Variants in TOR1A observed in about 807,000 individuals in gnomAD.
The protein encoded by TOR1A is torsin family 1 member A.
A neutral mutation model predicts 31.4 loss-of-function variants in TOR1A; 18 were observed. The observed-to-expected ratio is 0.57, with a 90% CI of 0.40 to 0.85. The LOEUF is 0.85. Ranked by LOEUF, TOR1A falls within the 40% of genes least tolerant of loss-of-function variation. The probability of loss-of-function intolerance (pLI) is 0.00; values close to 1 mark genes in which losing one functional copy is unlikely to be tolerated. For synonymous variants in TOR1A, 168 were observed against 165.9 expected, an observed-to-expected ratio of 1.01 and a Z score of -0.10; for missense variants, 375 against 416.4, an observed-to-expected ratio of 0.90 and a Z score of 0.87.
chr9:129,818,365 A>G, intron 4 of TOR1A, 155 bp downstream of exon 4: 1 of 1,165,712 alleles, frequency 8.6e-7, no homozygotes, highest in South Asian at 1.2e-5. Context: ...GGAGTTCATC[A>G]GCAAAGATTC....
Position 129,822,820 on chromosome 9 carries a change from G to T in TOR1A, c.205C>A (p.Leu69Ile). The T allele has an allele frequency of 1.2e-6, 2 of 1,614,176 alleles. No homozygotes were observed. The highest frequency in any genetic ancestry group is 1.7e-6 in the Non-Finnish European group (2 of 1,180,026). ...TTCTTTGCAAGATGCTGTCCAAAGA[G>T]GTTGTCGTCCAGATCCTTCTGCAGT... ...EALQKDLDDN[L>I]FGQHLAKKII... The change falls in exon 2 of 5, where the codon CTC becomes ATC. Residue 69 changes from leucine to isoleucine, a missense_variant. Transcript: ENST00000351698.
intron 1 of TOR1A, chr9:129,823,357 A>C: frequency 3.5e-6 from 1 of 284,540 alleles, no homozygotes; most frequent in Non-Finnish European, 6.9e-6. Context: ...GTCTGTGGTC[A>C]TGGCCGAGGA....
intron 1 of TOR1A, chr9:129,823,167 C>G (rs1437352361): frequency 6.9e-6 from 3 of 433,516 alleles, no homozygotes; most frequent in East Asian, 5.0e-5. Flanking sequence ...GGAAAGGAAA[C>G]AGTTTGGTCC....
At chr9:129,815,037 G>A (rs1216555939) in intron 4 of TOR1A, among the ~76,000 whole-genome samples, 1 of 152,174 alleles carries the variant, frequency 6.6e-6, no homozygotes, top group East Asian at 1.9e-4. Flanking sequence ...TGGGCTCCTG[G>A]AACTCCTGAC....
intron 2 of TOR1A, among the ~76,000 whole-genome samples, chr9:129,820,401 C>T (rs751332283): frequency 1.3e-5 from 2 of 152,046 alleles, no homozygotes; most frequent in South Asian, 2.1e-4. Flanking sequence ...ATTACAGGCG[C>T]GAGCCACCAC....
At chr9:129,822,453 G>T in intron 2 of TOR1A, 128 bp downstream of exon 2, 1 of 1,287,524 alleles carries the variant, frequency 7.8e-7, no homozygotes, top group Non-Finnish European at 1.1e-6. Context: ...CCTTTCCAAG[G>T]GGAACTGAGA....
chr9:129,814,512 T>C (rs2030985760), intron 4 of TOR1A, among the ~76,000 whole-genome samples: 1 of 151,250 alleles, frequency 6.6e-6, no homozygotes, highest in Non-Finnish European at 1.5e-5. Context: ...ATCCCACACA[T>C]ACCTACTGGG....
rs2030934705 is a variant in TOR1A at position 129,813,131 on chromosome 9, C to T, written c.*841G>A. On this transcript the variant is annotated 3_prime_UTR_variant, in exon 5 of 5. Coordinates refer to ENST00000351698, the MANE Select transcript of TOR1A (RefSeq NM_000113.3). The stretch of plus-strand genomic sequence containing the variant: ...AAAATTCACATAATTTAGAATCCAG[C>T]AGAGAGCACGTGTGGGCTATTTGGA... 1 of 148,856 alleles carries T rather than the reference C, an allele frequency of 6.7e-6. No homozygotes were observed. The allele number at this position is 148,856 out of a possible 1,614,324, so 9.2% of individuals were successfully genotyped here. A position where few individuals can be genotyped will look rare whatever the true frequency, so the allele number is the denominator to read the frequency against.
intron 2 of TOR1A, among the ~76,000 whole-genome samples, chr9:129,819,730 C>T (rs1048478086): frequency 6.6e-6 from 1 of 150,904 alleles, no homozygotes; most frequent in African/African-American, 2.4e-5. Flanking sequence ...TGCACTCCAG[C>T]GTGGCGACAG....
chr9:129,822,004 G>C (rs569046558), intron 2 of TOR1A: 1 of 181,222 alleles, frequency 5.5e-6, no homozygotes, highest in Non-Finnish European at 1.2e-5. Context: ...GGTGGCTCAC[G>C]CCTGTAATCC....
At chr9:129,814,752 C>T (rs563486777) in intron 4 of TOR1A, among the ~76,000 whole-genome samples, 7 of 151,698 alleles carry the variant, frequency 4.6e-5, no homozygotes, top group South Asian at 2.1e-4. Context: ...CCACAGAAAG[C>T]GGGAAGCAAG....
chr9:129,824,000 GCCAGTC>G lies in TOR1A; in HGVS notation c.80_85del (p.Gly27_Leu28del). On this transcript the variant is annotated inframe_deletion, in exon 1 of 5. Transcript: ENST00000351698. ...GTAGCCGGTGAGGACGCCGGCCAGG[GCCAGTC>G]CCAGGCTGATGGGCTCCACCGCCTG... is the stretch of plus-strand genomic sequence containing the variant. The G allele has an allele frequency of 6.2e-7, 1 of 1,610,970 alleles. No individual in the cohort carries two copies.
At chr9:129,815,814 C>A (rs1256580942) in intron 4 of TOR1A, among the ~76,000 whole-genome samples, 1 of 152,196 alleles carries the variant, frequency 6.6e-6, no homozygotes, top group Non-Finnish European at 1.5e-5. Flanking sequence ...ATTCTTCTCT[C>A]ATTCCCATAT....
intron 1 of TOR1A, among the ~76,000 whole-genome samples, chr9:129,823,119 A>G (rs1166118486): frequency 3.9e-5 from 6 of 152,076 alleles, no homozygotes. Flanking sequence ...TTGCACCCCT[A>G]ACCCCTGTGC....
chr9:129,813,037 A>G lies in TOR1A; in HGVS notation c.*935T>C, dbSNP rs1303322057. On this transcript the variant is annotated 3_prime_UTR_variant, in exon 5 of 5. Transcript: ENST00000351698. ...TCCTCAGAAGGGGCAGCTAAGCTTTATAGGAGGTTTCGGGGATTCTGATTG... is the reference window on the plus strand; with the variant it reads ...TCCTCAGAAGGGGCAGCTAAGCTTTGTAGGAGGTTTCGGGGATTCTGATTG... 2.6e-5 allele frequency: 4 copies of G among 152,222 alleles called. No individual in the cohort carries two copies. The highest frequency in any genetic ancestry group is 5.9e-5 in the Non-Finnish European group (4 of 68,046). The allele number at this position is 152,222 out of a possible 1,614,324, so 9.4% of individuals were successfully genotyped here.
Position 129,818,744 on chromosome 9 carries a change from C to T in TOR1A, c.620+1G>A. 1.2e-6 allele frequency: 2 copies of T among 1,613,438 alleles called. No homozygotes were observed. ...CCATCATGTCCTAGCCCTGACCTTA[C>T]CTGAGAAATATGAACATGGCTTTCT... is the stretch of plus-strand genomic sequence containing the variant. On this transcript the variant is annotated splice_donor_variant, in intron 3 of 4. Transcript: ENST00000351698. LOFTEE classifies it high-confidence loss of function.
intron 2 of TOR1A, 59 bp from the exon 3 acceptor site, chr9:129,818,979 C>G (rs1334320507): frequency 6.3e-7 from 1 of 1,578,908 alleles, no homozygotes; most frequent in Non-Finnish European, 8.6e-7. Flanking sequence ...TCAATCAGCT[C>G]CTTCTACCAC....
chr9:129,816,399 A>C (rs945766238), intron 4 of TOR1A, among the ~76,000 whole-genome samples: 1 of 152,328 alleles, frequency 6.6e-6, no homozygotes, highest in East Asian at 1.9e-4. Context: ...ACATGTGTAC[A>C]TGTGCGATGT....
intron 4 of TOR1A, among the ~76,000 whole-genome samples, chr9:129,816,849 C>T (rs2031053596): frequency 6.6e-6 from 1 of 152,254 alleles, no homozygotes; most frequent in Non-Finnish European, 1.5e-5. Context: ...TAGTATTCCA[C>T]TTGCACACAC....
Sources: allele counts gnomAD v4.1 joint callset (sites outside exome capture counted in the v4.1 genomes callset), GRCh38; gene constraint gnomAD v4.1.1; transcripts MANE v1.5; gene names NCBI Gene and HGNC (gene_info 2026-07-23, HGNC 2026-07-21).